The following NLRX1 variants were observed in gnomAD, a reference collection of about 807,000 sequenced individuals.
NLRX1 encodes NLR family member X1.
A neutral mutation model predicts 74.2 loss-of-function variants in NLRX1; 67 were observed. The ratio of observed to expected loss-of-function variants is 0.90; its 90% CI spans 0.74 to 1.11. NLRX1 has a LOEUF of 1.11. NLRX1 is among the 50% of genes least tolerant of loss of function. The pLI, the probability that NLRX1 is intolerant of heterozygous loss-of-function variation, is 0.00. For synonymous variants in NLRX1, 506 were observed against 559.1 expected (o/e 0.91, Z 1.34); for missense variants, 1,191 against 1,305.4 (o/e 0.91, Z 1.35).
intron 1 of NLRX1, 48 bp from the exon 2 acceptor site, chr11:119,171,308 C>A: frequency 1.5e-6 from 2 of 1,350,800 alleles, no homozygotes; most frequent in South Asian, 1.3e-5. Context: ...GTTAGGGGTG[C>A]AGGGGAGGAG....
In NLRX1 at chr11:119,173,676, C is replaced by G. The variant is rs538447241; in HGVS notation, c.427C>G (p.Pro143Ala). The G allele has an allele frequency of 3.8e-5, 62 of 1,614,118 alleles. No homozygotes were observed. The highest frequency in any genetic ancestry group is 8.9e-5 in the East Asian group (4 of 44,882). Residue 143 changes from proline (P) to alanine (A), a missense_variant, in exon 5 of 10, where the codon CCA becomes GCA. Pro to Ala is a conservative substitution (Grantham distance 27). Coordinates refer to ENST00000409109, the MANE Select transcript of NLRX1 (RefSeq NM_001282144.2). The surrounding 1 kb of genome is among the most constrained non-coding windows in gnomAD (Gnocchi z 4.0). ...TCAGCCACCCCAGGCCGGGCTCCCC[C>G]CACTGGCCTTGTCTCAGCTCTTTAA... ...EHQPPQAGLPPLALSQLFNPD... is the reference protein window; with the variant it reads ...EHQPPQAGLPALALSQLFNPD...
rs544836332 is a variant in NLRX1 at position 119,173,846 on chromosome 11, T to C, written c.597T>C (p.Cys199=). 80 of 1,613,594 alleles carry C rather than the reference T, an allele frequency of 5.0e-5. No homozygotes were observed. The highest frequency in any genetic ancestry group is 4.0e-4 in the Admixed American group (24 of 60,032). ...PAFELLIPFS[C]EDLSSLGPAP... ...TCGAGCTGCTCATCCCCTTCTCCTG[T>C]GAGGACCTGTCATCCCTGGGCCCTG... is the stretch of plus-strand genomic sequence containing the variant. The change falls in exon 5 of 10, where the codon TGT becomes TGC. Residue 199 remains cysteine (C), a synonymous_variant. Transcript: ENST00000409109. The surrounding 1 kb of genome is among the most constrained non-coding windows in gnomAD (Gnocchi z 4.0).
At chr11:119,172,280 TG>T (rs1222922109) in intron 2 of NLRX1, 75 bp from the exon 3 acceptor site, 1 of 1,135,010 alleles carries the variant, frequency 8.8e-7, no homozygotes, top group Non-Finnish European at 1.3e-6. Flanking sequence ...GAGCAAATAC[TG>T]GGGGGTTTGA....
At chr11:119,174,171 T>C in intron 5 of NLRX1, 73 bp downstream of exon 5, 1 of 1,542,666 alleles carries the variant, frequency 6.5e-7, no homozygotes, top group Non-Finnish European at 8.7e-7. Flanking sequence ...TTACTTTAAC[T>C]CCTGGTCCCT....
Position 119,173,763 on chromosome 11 carries a change from A to G in NLRX1, c.514A>G (p.Lys172Glu). Reference sequence around the variant, plus strand: ...GCTGTATGGGACAGTGGGCACAGGCAAGAGCACGCTGGTGCGCAAGATGGT... The same window carrying G: ...GCTGTATGGGACAGTGGGCACAGGCGAGAGCACGCTGGTGCGCAAGATGGT... Reference protein sequence around the residue: ...VVLYGTVGTGKSTLVRKMVLD... With the variant: ...VVLYGTVGTGESTLVRKMVLD... The change falls in exon 5 of 10, where the codon AAG (lysine) becomes GAG (glutamate). Residue 172 changes from lysine (K) to glutamate (E), a missense_variant. Coordinates refer to ENST00000409109, the MANE Select transcript of NLRX1 (RefSeq NM_001282144.2). This position sits in a 1 kb window ranked among gnomAD's most constrained non-coding sequence, Gnocchi z 4.0. 2 of 1,613,748 alleles carry G rather than the reference A, an allele frequency of 1.2e-6. No individual in the cohort carries two copies. Among genetic ancestry groups the G allele is most frequent in the South Asian group, 2.2e-5 (2 of 91,086 alleles).
In NLRX1 at chr11:119,183,337, T is replaced by C. The variant is rs1356092350; in HGVS notation, c.2826T>C (p.Asp942=). The change falls in exon 10 of 10, where the codon GAT becomes GAC. Residue 942 remains aspartate (D), a synonymous_variant. Coordinates refer to ENST00000409109, the MANE Select transcript of NLRX1 (RefSeq NM_001282144.2). The surrounding 1 kb of genome is among the most constrained non-coding windows in gnomAD (Gnocchi z 5.7). The part of the protein sequence containing the change: ...HLELLLRDLE[D]SRGATLNPWR... The stretch of plus-strand genomic sequence containing the variant: ...AGCTCCTACTGCGGGATCTGGAAGA[T>C]AGCCGGGGTGCCACCCTTAATCCTT... The C allele has an allele frequency of 7.4e-6, 12 of 1,614,230 alleles. No individual in the cohort carries two copies. In the African/African-American group the frequency reaches 8.0e-5, roughly 11 times the overall value.
chr11:119,182,636 C>G (rs1486908151), intron 9 of NLRX1, among the ~76,000 whole-genome samples: 1 of 152,156 alleles, frequency 6.6e-6, no homozygotes, highest in Non-Finnish European at 1.5e-5. Context: ...TCTGTAATCC[C>G]AGCACTTCGG....
At position 119,173,416 on chromosome 11, in the gene NLRX1, T is replaced by C. The variant is rs1293117418; in HGVS notation, c.230-63T>C. 1 of 1,550,574 alleles carries C rather than the reference T, an allele frequency of 6.4e-7. No homozygotes were observed. Among genetic ancestry groups the C allele is most frequent in the African/African-American group, 1.4e-5 (1 of 74,008 alleles). On this transcript the variant is annotated intron_variant, in intron 4 of 9. Transcript: ENST00000409109. This position sits in a 1 kb window ranked among gnomAD's most constrained non-coding sequence, Gnocchi z 4.0. The stretch of plus-strand genomic sequence containing the variant: ...CAGCCTGACCTCACCACCGCCCTGA[T>C]TGGCCCTAAGCTACATCTCCAGGCC...
Position 119,175,177 on chromosome 11 carries a change from TCGTGGGC to T in NLRX1, c.1579_1585del (p.Gly527LeufsTer27), listed in dbSNP as rs1396501093. On this transcript the variant is annotated frameshift_variant, in exon 6 of 10. Coordinates refer to ENST00000409109, the MANE Select transcript of NLRX1 (RefSeq NM_001282144.2). LOFTEE classifies it high-confidence loss of function. The stretch of plus-strand genomic sequence containing the variant: ...AAGGTGGGCAAGGAAGTGGCTGAGC[TCGTGGGC>T]CGTGTTGGGGAGGACGTCAGCCTGG... 1.2e-6 allele frequency: 2 copies of T among 1,614,172 alleles called. No individual in the cohort carries two copies. The highest frequency in any genetic ancestry group is 1.7e-6 in the Non-Finnish European group (2 of 1,180,034).
chr11:119,176,109 C>T (rs997963861), intron 6 of NLRX1, among the ~76,000 whole-genome samples: 24 of 152,162 alleles, frequency 1.6e-4, no homozygotes, highest in Admixed American at 1.6e-3. Context: ...TGGTGCATTA[C>T]GGATATGTCT....
At chr11:119,171,893 T>G (rs2135154872) in intron 2 of NLRX1, among the ~76,000 whole-genome samples, 1 of 151,788 alleles carries the variant, frequency 6.6e-6, no homozygotes, top group African/African-American at 2.4e-5. Flanking sequence ...AGGCAGAAGT[T>G]GCAGTGAGCT....
At chr11:119,175,808 A>G (rs1948689814) in intron 6 of NLRX1, among the ~76,000 whole-genome samples, 1 of 152,248 alleles carries the variant, frequency 6.6e-6, no homozygotes, top group African/African-American at 2.4e-5. Flanking sequence ...GGTCCACTCC[A>G]GAAACCAAAT....
Position 119,173,020 on chromosome 11 carries a change from G to C in NLRX1, c.229+31G>C, listed in dbSNP as rs747877574. ...GGGACTGGCTGGGACCCTGGTCAGG[G>C]GGTGTGGTGGGCAGACGGGGCTGGA... On this transcript the variant is annotated intron_variant, in intron 4 of 9. Transcript: ENST00000409109. This position sits in a 1 kb window ranked among gnomAD's most constrained non-coding sequence, Gnocchi z 4.0. The C allele has an allele frequency of 2.6e-6, 4 of 1,564,670 alleles. No homozygotes were observed. Among genetic ancestry groups the C allele is most frequent in the Admixed American group, 1.7e-5 (1 of 59,868 alleles).
intron 7 of NLRX1, 137 bp downstream of exon 7, chr11:119,180,425 C>T: frequency 1.4e-6 from 1 of 726,344 alleles, no homozygotes; most frequent in Non-Finnish European, 2.2e-6. Context: ...AGTTTAGGGG[C>T]CGGGAGCAGT....
intron 8 of NLRX1, 69 bp from the exon 9 acceptor site, chr11:119,182,025 A>G: frequency 1.9e-6 from 3 of 1,572,680 alleles, no homozygotes; most frequent in South Asian, 2.4e-5. Context: ...GGCTGCCAGT[A>G]CCACCCCCAA....
At position 119,179,998 on chromosome 11, in the gene NLRX1, G is replaced by T. The variant is rs1277415306; in HGVS notation, c.1977G>T (p.Lys659Asn). The T allele has an allele frequency of 1.2e-6, 2 of 1,613,812 alleles. No individual in the cohort carries two copies. The highest frequency in any genetic ancestry group is 3.3e-5 in the Admixed American group (2 of 60,034). The change falls in exon 7 of 10, where the codon AAG (lysine) becomes AAT (asparagine). Residue 659 changes from lysine (K) to asparagine (N), a missense_variant. By Grantham distance (94) the Lys-to-Asn change is moderately conservative. Coordinates refer to ENST00000409109, the MANE Select transcript of NLRX1 (RefSeq NM_001282144.2). ...CCCTGGAGAATGCCCAGGCCATCAA[G>T]AAGAAGCTGGGCAAGCTGGGCCGGC... Reference protein sequence around the residue: ...LDALENAQAIKKKLGKLGRQV... With the variant: ...LDALENAQAINKKLGKLGRQV...
At chr11:119,182,631 A>G (rs1948868864) in intron 9 of NLRX1, among the ~76,000 whole-genome samples, 1 of 152,144 alleles carries the variant, frequency 6.6e-6, no homozygotes, top group South Asian at 2.1e-4. Context: ...TCACGTCTGT[A>G]ATCCCAGCAC....
Position 119,183,426 on chromosome 11 carries a change from G to A in NLRX1, c.2915G>A (p.Ser972Asn), listed in dbSNP as rs777314346. 2 of 1,611,680 alleles carry A rather than the reference G, an allele frequency of 1.2e-6. No individual in the cohort carries two copies. Reference protein sequence around the residue: ...EVRALLEQLGSSGS With the variant: ...EVRALLEQLGNSGS Reference sequence around the variant, plus strand: ...AGGGCCCTCCTGGAGCAGCTGGGAAGCTCTGGAAGCTGAGACACTGGCGGC... The same window carrying A: ...AGGGCCCTCCTGGAGCAGCTGGGAAACTCTGGAAGCTGAGACACTGGCGGC... The change falls in exon 10 of 10, where the codon AGC becomes AAC. Residue 972 changes from serine (S) to asparagine (N), a missense_variant. Physicochemically the swap from Ser to Asn is conservative, Grantham distance 46 (BLOSUM62 1). Transcript: ENST00000409109. The surrounding 1 kb of genome is among the most constrained non-coding windows in gnomAD (Gnocchi z 5.7).
At chr11:119,179,619 T>C in intron 6 of NLRX1, 74 bp from the exon 7 acceptor site, 1 of 1,153,148 alleles carries the variant, frequency 8.7e-7, no homozygotes, top group Non-Finnish European at 1.2e-6. Context: ...CATGGGAGTG[T>C]ACCTTAAGCT....
Sources: gnomAD v4.1 joint callset for allele counts (sites outside exome capture counted in the v4.1 genomes callset) on GRCh38, gnomAD v4.1.1 for gene constraint, Gnocchi (gnomAD v3.1) non-coding constraint, MANE v1.5 for transcripts, NCBI Gene and HGNC (gene_info 2026-07-23, HGNC 2026-07-21) for gene names.